RNF213: variants seen among roughly 807,000 people sequenced by gnomAD.
The protein encoded by RNF213 is E3 ubiquitin-protein ligase RNF213.
RNF213 carries 341 observed loss-of-function variants against 514.4 expected under a neutral mutation model. The ratio of observed to expected loss-of-function variants is 0.66; its 90% CI spans 0.61 to 0.73. The LOEUF (loss-of-function observed/expected upper bound fraction) is 0.73. Ranked by LOEUF, RNF213 falls within the 30% of genes least tolerant of loss-of-function variation. The pLI, the probability that RNF213 is intolerant of heterozygous loss-of-function variation, is 0.00. For missense variants in RNF213, 5,767 were observed against 6,615.6 expected, an observed-to-expected ratio of 0.87 and a Z score of 4.45; for synonymous variants, 2,655 against 2,658.2, an observed-to-expected ratio of 1.00 and a Z score of 0.04.
rs72849841 is a variant in RNF213, at chr17:80,298,494, C to T, written c.2186C>T (p.Pro729Leu). 195,916 of 1,613,996 alleles carry T rather than the reference C, an allele frequency of 0.12. 12,667 individuals are homozygous for T. Among genetic ancestry groups the T allele is most frequent in the African/African-American group, 0.17 (12,681 of 74,990 alleles). The change falls in exon 11 of 68, where the codon CCG becomes CTG. Residue 729 changes from proline to leucine, a missense_variant. By Grantham distance (98) the Pro-to-Leu change is moderately conservative. This residue lies in a region of RNF213 where 592 missense variants were observed against 673.9 expected (regional missense o/e 0.88). Coordinates refer to ENST00000582970, the MANE Select transcript of RNF213 (RefSeq NM_001256071.3). ...WAALEGLSFS[P>L]FREQMLDTSS... is the part of the protein sequence containing the mutation. ...GCTCTGGAGGGACTCTCCTTCTCACCGTTCCGGGAACAAATGCTAGATACG... is the reference window on the plus strand; with the variant it reads ...GCTCTGGAGGGACTCTCCTTCTCACTGTTCCGGGAACAAATGCTAGATACG...
intron 36 of RNF213, chr17:80,355,100 C>G (rs974590677): frequency 1.1e-4 from 48 of 429,046 alleles, no homozygotes; most frequent in African/African-American, 8.5e-4. Context: ...GCTCTGGGCC[C>G]CAGACAGAGG....
At chr17:80,286,400 T>C (rs564472104) in intron 3 of RNF213, among the ~76,000 whole-genome samples, 1 of 152,150 alleles carries the variant, frequency 6.6e-6, no homozygotes, top group African/African-American at 2.4e-5. Flanking sequence ...AGTGTGGCCA[T>C]GTGTGATAGA....
rs935284857 is a variant in RNF213, at chr17:80,394,372, A to G, written c.*874A>G. On this transcript the variant is annotated 3_prime_UTR_variant, in exon 68 of 68. Transcript: ENST00000582970. The stretch of plus-strand genomic sequence containing the variant: ...TCTCAGTGTGCTCTCGCATGTATGA[A>G]TATCTAGTCCTTTCTGTGGTTCTCA... 2 of 152,224 alleles carry G rather than the reference A, an allele frequency of 1.3e-5. No individual in the cohort carries two copies. Among genetic ancestry groups the G allele is most frequent in the African/African-American group, 4.8e-5 (2 of 41,456 alleles). 9.4% of individuals were successfully genotyped at this position (152,224 alleles called of 1,614,324 possible).
Position 80,295,012 on chromosome 17 carries a change from C to T in RNF213, c.1755+9C>T, listed in dbSNP as rs1407643389. 11 of 1,613,860 alleles carry T rather than the reference C, an allele frequency of 6.8e-6. No homozygotes were observed. The highest frequency in any genetic ancestry group is 9.3e-6 in the Non-Finnish European group (11 of 1,180,042). On this transcript the variant is annotated intron_variant, in intron 9 of 67. Coordinates refer to ENST00000582970, the MANE Select transcript of RNF213 (RefSeq NM_001256071.3). ...AGTACAGGGAGAAAGAGGTATCAGG[C>T]TTGCCACCAGCTGCTCTACCTGCTG...
Position 80,390,107 on chromosome 17 carries a change from C to T in RNF213, c.15381C>T (p.Asp5127=), listed in dbSNP as rs756292314. The T allele has an allele frequency of 7.5e-5, 121 of 1,614,076 alleles. No individual in the cohort carries two copies. The highest frequency in any genetic ancestry group is 9.7e-5 in the Non-Finnish European group (114 of 1,180,054). ...CATTCCTAAATCAGACTGGCCTAGA[C>T]GCCTTCCTGCTAGAGCTGCACGAAA... is the stretch of plus-strand genomic sequence containing the variant. ...LSTFLNQTGL[D]AFLLELHEMI... The change falls in exon 67 of 68, where the codon GAC becomes GAT. Residue 5127 remains aspartate (D), a synonymous_variant. Coordinates refer to ENST00000582970, the MANE Select transcript of RNF213 (RefSeq NM_001256071.3).
chr17:80,338,823 C>CT (rs1343652891), intron 25 of RNF213, among the ~76,000 whole-genome samples: 1 of 151,692 alleles, frequency 6.6e-6, no homozygotes, highest in Non-Finnish European at 1.5e-5. Context: ...TGGCACGTGC[C>CT]TGTAATCCCA....
chr17:80,337,377 G>A, intron 23 of RNF213: 1 of 609,426 alleles, frequency 1.6e-6, no homozygotes, highest in Non-Finnish European at 2.8e-6. Flanking sequence ...GGAACAGCGA[G>A]TACAAAGCAG....
Position 80,339,950 on chromosome 17 carries a change from G to C in RNF213, c.5583G>C (p.Glu1861Asp). Residue 1861 changes from glutamate (E) to aspartate (D), a missense_variant, in exon 26 of 68, where the codon GAG (glutamate) becomes GAC (aspartate). Glu to Asp is a conservative substitution (Grantham distance 45, BLOSUM62 2). Around this residue, in one of 13 missense-constraint regions of RNF213, gnomAD observed 1,377 missense variants for 1,635.2 expected, o/e 0.84. Coordinates refer to ENST00000582970, the MANE Select transcript of RNF213 (RefSeq NM_001256071.3). ...TPSQPLPTYD[E>D]VLLCTPATTF... The stretch of plus-strand genomic sequence containing the variant: ...GCCAGCCCCTGCCCACTTACGATGA[G>C]GTGCTGCTCTGCACCCCGGCAACCA... The C allele has an allele frequency of 3.3e-6, 5 of 1,536,996 alleles. No homozygotes were observed. Among genetic ancestry groups the C allele is most frequent in the Non-Finnish European group, 4.4e-6 (5 of 1,146,908 alleles).
chr17:80,390,255 G>A (rs1302491827), intron 67 of RNF213, 59 bp downstream of exon 67: 4 of 1,540,778 alleles, frequency 2.6e-6, no homozygotes, highest in East Asian at 2.2e-5. Context: ...TCTCTCCTGT[G>A]ATCTTCTATA....
chr17:80,277,795 G>A (rs1331202816), intron 3 of RNF213, among the ~76,000 whole-genome samples: 5 of 152,156 alleles, frequency 3.3e-5, no homozygotes, highest in African/African-American at 4.8e-5. Context: ...TGCTCTAAGC[G>A]CAGACGCCGC....
chr17:80,369,768 G>T lies in RNF213; in HGVS notation c.12326G>T (p.Arg4109Ile). 6.2e-7 allele frequency: 1 copy of T among 1,613,592 alleles called. No individual in the cohort carries two copies. The highest frequency in any genetic ancestry group is 1.1e-5 in the South Asian group (1 of 91,056). ...GCTGCCTTTTTCTTTCTGGTTTAAG[G>T]ACACTGTGAACACACAAAATCTCTC... ...QKGRLRDAAQ[R>I]HCEHTKSLSP... The change falls in exon 46 of 68, where the codon AGA becomes ATA. Residue 4109 changes from arginine (R) to isoleucine (I), a missense_variant and splice_region_variant. Around this residue, in one of 13 missense-constraint regions of RNF213, gnomAD observed 93 missense variants for 95.6 expected, o/e 0.97. Coordinates refer to ENST00000582970, the MANE Select transcript of RNF213 (RefSeq NM_001256071.3).
Position 80,363,207 on chromosome 17 carries a change from T to C in RNF213, c.11461T>C (p.Phe3821Leu). ...GTGGGTGCACCTTGCCTACCAGCGT[T>C]TCAGAAGCCGTCTGCAGAACTTTTC... ...LPWVHLAYQR[F>L]RSRLQNFSRI... The change falls in exon 40 of 68, where the codon TTC becomes CTC. Residue 3821 changes from phenylalanine to leucine, a missense_variant. Coordinates refer to ENST00000582970, the MANE Select transcript of RNF213 (RefSeq NM_001256071.3). 1 of 1,614,224 alleles carries C rather than the reference T, an allele frequency of 6.2e-7. No homozygotes were observed. Among genetic ancestry groups the C allele is most frequent in the Non-Finnish European group, 8.5e-7 (1 of 1,180,034 alleles).
intron 10 of RNF213, among the ~76,000 whole-genome samples, chr17:80,296,789 C>A (rs1190804239): frequency 1.3e-5 from 2 of 152,134 alleles, no homozygotes; most frequent in East Asian, 3.9e-4. Flanking sequence ...TCAGGTGGTT[C>A]TCCCACCTCA....
In RNF213 at chr17:80,354,899, C is replaced by T. The variant is rs373395918; in HGVS notation, c.10862+323C>T. The T allele has an allele frequency of 1.8e-5, 7 of 399,034 alleles. No individual in the cohort carries two copies. In the East Asian group the frequency reaches 3.5e-4, roughly 20 times the overall value. The allele number at this position is 399,034 out of a possible 1,614,324, so 24.7% of individuals were successfully genotyped here. A position where few individuals can be genotyped will look rare whatever the true frequency, so the allele number is the denominator to read the frequency against. ...TAACCCTAGAAAGGGCTGCTGTTTT[C>T]AGTCATGAAGTTAAAATGACGTGCA... On this transcript the variant is annotated intron_variant, in intron 36 of 67. Transcript: ENST00000582970.
chr17:80,354,646 C>T, intron 36 of RNF213, 70 bp downstream of exon 36: 1 of 1,574,906 alleles, frequency 6.3e-7, no homozygotes, highest in Non-Finnish European at 8.7e-7. Context: ...CTGCAGGGAT[C>T]CTCTCTCCAT....
Position 80,289,945 on chromosome 17 carries a change from G to GT in RNF213, c.1112+112dup, listed in dbSNP as rs984320745. ...ATCCAGGCTGCCCTTCTAGTCAGCT[G>GT]TTTTGGCAAGTTTAACTTTGGGGGA... On this transcript the variant is annotated intron_variant, in intron 6 of 67. Coordinates refer to ENST00000582970, the MANE Select transcript of RNF213 (RefSeq NM_001256071.3). 7 of 1,232,632 alleles carry GT rather than the reference G, an allele frequency of 5.7e-6. No homozygotes were observed. In the African/African-American group the frequency reaches 9.1e-5, roughly 16 times the overall value. 76.4% of individuals were successfully genotyped at this position (1,232,632 alleles called of 1,614,324 possible).
chr17:80,373,154 G>C lies in RNF213; in HGVS notation c.12931G>C (p.Val4311Leu), dbSNP rs748007411. 1 of 1,610,958 alleles carries C rather than the reference G, an allele frequency of 6.2e-7. No homozygotes were observed. The highest frequency in any genetic ancestry group is 8.5e-7 in the Non-Finnish European group (1 of 1,179,956). Residue 4311 changes from valine to leucine, a missense_variant, in exon 49 of 68, where the codon GTC (valine) becomes CTC (leucine). Physicochemically the swap from Val to Leu is conservative, Grantham distance 32. Transcript: ENST00000582970. ...PHQWVFPKDV[V>L]KQQGLRQDHP... ...CCAGTGGGTGTTTCCCAAGGACGTT[G>C]TCAAGCAGCAGGTGAGAAGCGGGGC...
intron 12 of RNF213, 35 bp downstream of exon 12, chr17:80,306,503 TA>T (rs1183531627): frequency 1.3e-6 from 2 of 1,585,868 alleles, no homozygotes; most frequent in Non-Finnish European, 1.7e-6. Flanking sequence ...AGTCCTGGCT[TA>T]GCAAAAGCAG....
At position 80,383,886 on chromosome 17, in the gene RNF213, T is replaced by C. The variant is rs776211801; in HGVS notation, c.14280T>C (p.Asn4760=). Residue 4760 remains asparagine (N), a synonymous_variant, in exon 59 of 68, where the codon AAT becomes AAC. Coordinates refer to ENST00000582970, the MANE Select transcript of RNF213 (RefSeq NM_001256071.3). The part of the protein sequence containing the change: ...EYLQHIVEQK[N]GKERVPILWH... ...TCCAGCACATTGTGGAACAGAAAAATGGCAAAGAAAGAGTGCCCATCCTCT... is the reference window on the plus strand; with the variant it reads ...TCCAGCACATTGTGGAACAGAAAAACGGCAAAGAAAGAGTGCCCATCCTCT... 14 of 1,614,052 alleles carry C rather than the reference T, an allele frequency of 8.7e-6. No homozygotes were observed. Among genetic ancestry groups the C allele is most frequent in the Middle Eastern group, 1.6e-4 (1 of 6,062 alleles).
Sources: allele counts gnomAD v4.1 joint callset (sites outside exome capture counted in the v4.1 genomes callset), GRCh38; gene constraint gnomAD v4.1.1; regional missense constraint gnomAD v4.1.1; transcripts MANE v1.5; gene names NCBI Gene and HGNC (gene_info 2026-07-23, HGNC 2026-07-21).